AGPAT4: variants seen among roughly 807,000 people sequenced by gnomAD.
AGPAT4 encodes 1-acyl-sn-glycerol-3-phosphate acyltransferase delta.
In AGPAT4, 15 loss-of-function variants were observed where a neutral mutation model predicts 48.0. That is an observed-to-expected ratio of 0.31 (90% CI 0.21 to 0.48). The LOEUF (loss-of-function observed/expected upper bound fraction) is 0.48, where lower values mean the gene tolerates loss of function less well. Ranked by LOEUF, AGPAT4 falls within the 20% of genes least tolerant of loss-of-function variation. AGPAT4 has a pLI of 0.99. For synonymous variants in AGPAT4, 178 were observed against 198.7 expected (o/e 0.90, Z 0.88); for missense variants, 314 against 482.5 (o/e 0.65, Z 3.27).
chr6:161,269,328 AGG>A (rs1336685472), intron 1 of AGPAT4, among the ~76,000 whole-genome samples: 12 of 152,350 alleles, frequency 7.9e-5, no homozygotes, highest in African/African-American at 2.6e-4. Context: ...CCAGCATGGA[AGG>A]TACAAAAAAT....
intron 1 of AGPAT4, among the ~76,000 whole-genome samples, chr6:161,256,226 T>C (rs1418474908): frequency 6.6e-6 from 1 of 152,032 alleles, no homozygotes; most frequent in Non-Finnish European, 1.5e-5. Flanking sequence ...ATCCTGAGTA[T>C]AGGCAATGGG....
At position 161,136,308 on chromosome 6, in the gene AGPAT4, C is replaced by T. The variant is rs550856671; in HGVS notation, c.*232G>A. On this transcript the variant is annotated 3_prime_UTR_variant, in exon 9 of 9. Coordinates refer to ENST00000320285, the MANE Select transcript of AGPAT4 (RefSeq NM_020133.3). ...CTCACCACACAGCCATTCTCACACA[C>T]ACTCGCACAAAAAGAAAACCAAAGC... is the stretch of plus-strand genomic sequence containing the variant. 17 of 540,908 alleles carry T rather than the reference C, an allele frequency of 3.1e-5. No homozygotes were observed. Among genetic ancestry groups the T allele is most frequent in the South Asian group, 1.0e-4 (5 of 48,852 alleles). 33.5% of individuals were successfully genotyped at this position (540,908 alleles called of 1,614,324 possible).
In AGPAT4 at chr6:161,243,797, T is replaced by C. The variant is rs1166480336; in HGVS notation, c.-89-11495A>G. Among the ~76,000 whole-genome samples the C allele has an allele frequency of 6.6e-6, 1 of 152,200 alleles. No individual in the cohort carries two copies. The highest frequency in any genetic ancestry group is 1.5e-5 in the Non-Finnish European group (1 of 68,036). On this transcript the variant is annotated intron_variant, in intron 1 of 8. Coordinates refer to ENST00000320285, the MANE Select transcript of AGPAT4 (RefSeq NM_020133.3). The surrounding 1 kb of genome is among the most constrained non-coding windows in gnomAD (Gnocchi z 4.8). ...CACTGTGGCTCTCATTATCTGTTTGTTTATTTCAATAAGATTTTCCTCAGG... is the reference window on the plus strand; with the variant it reads ...CACTGTGGCTCTCATTATCTGTTTGCTTATTTCAATAAGATTTTCCTCAGG...
chr6:161,258,829 C>T (rs554825730), intron 1 of AGPAT4, among the ~76,000 whole-genome samples: 2 of 150,704 alleles, frequency 1.3e-5, no homozygotes, highest in South Asian at 4.2e-4. Context: ...ATGAGTCTCA[C>T]TCTATCGCCC....
At chr6:161,227,129 G>A (rs991787941) in intron 2 of AGPAT4, among the ~76,000 whole-genome samples, 6 of 152,170 alleles carry the variant, frequency 3.9e-5, no homozygotes, top group Non-Finnish European at 8.8e-5. Context: ...GTCTGCTAGT[G>A]TCTGGGATTA....
chr6:161,183,698 G>A (rs865982654), intron 2 of AGPAT4, among the ~76,000 whole-genome samples: 41 of 88,890 alleles, frequency 4.6e-4, no homozygotes, highest in African/African-American at 1.8e-3. Flanking sequence ...AGAGGAGAGG[G>A]GAGGAGAGGA....
In AGPAT4 at chr6:161,222,663, G is replaced by T. The variant is rs1391760585; in HGVS notation, c.178+9373C>A. ...GGTCAAGACAAAAATAAATCTTGAA[G>T]TAAACCGATGGTCACAATTATTGAA... On this transcript the variant is annotated intron_variant, in intron 2 of 8. Coordinates refer to ENST00000320285, the MANE Select transcript of AGPAT4 (RefSeq NM_020133.3). This position sits in a 1 kb window ranked among gnomAD's most constrained non-coding sequence, Gnocchi z 5.9. Among the ~76,000 whole-genome samples, 1 of 151,840 alleles carries T rather than the reference G, an allele frequency of 6.6e-6. No individual in the cohort carries two copies. The highest frequency in any genetic ancestry group is 1.5e-5 in the Non-Finnish European group (1 of 67,990).
chr6:161,248,355 A>C (rs1782718150), intron 1 of AGPAT4, among the ~76,000 whole-genome samples: 1 of 152,104 alleles, frequency 6.6e-6, no homozygotes, highest in African/African-American at 2.4e-5. Context: ...CGGGCGGATC[A>C]TGAGGTCAGG....
chr6:161,252,963 C>A (rs1333700334), intron 1 of AGPAT4, among the ~76,000 whole-genome samples: 1 of 152,020 alleles, frequency 6.6e-6, no homozygotes. Context: ...CGTCTGTAAT[C>A]CCAGCACTTT....
rs1031878032 is a variant in AGPAT4, at chr6:161,238,395, C to T, written c.-89-6093G>A. On this transcript the variant is annotated intron_variant, in intron 1 of 8. Coordinates refer to ENST00000320285, the MANE Select transcript of AGPAT4 (RefSeq NM_020133.3). The surrounding 1 kb of genome is among the most constrained non-coding windows in gnomAD (Gnocchi z 5.2). ...GAAGGCAAAGAAGGAGCAGCTAAGA[C>T]AGATGACTTCGTCTCTCCTGGGAAA... Among the ~76,000 whole-genome samples, 3 of 152,214 alleles carry T rather than the reference C, an allele frequency of 2.0e-5. No homozygotes were observed. The highest frequency in any genetic ancestry group is 7.2e-5 in the African/African-American group (3 of 41,460).
chr6:161,146,452 A>G lies in AGPAT4; in HGVS notation c.843+72T>C. 1 of 1,477,356 alleles carries G rather than the reference A, an allele frequency of 6.8e-7. No homozygotes were observed. The highest frequency in any genetic ancestry group is 2.3e-5 in the East Asian group (1 of 43,846). The allele number at this position is 1,477,356 out of a possible 1,614,324, so 91.5% of individuals were successfully genotyped here. A position where few individuals can be genotyped will look rare whatever the true frequency, so the allele number is the denominator to read the frequency against. On this transcript the variant is annotated intron_variant, in intron 7 of 8. Coordinates refer to ENST00000320285, the MANE Select transcript of AGPAT4 (RefSeq NM_020133.3). The surrounding 1 kb of genome is among the most constrained non-coding windows in gnomAD (Gnocchi z 7.1). Reference sequence around the variant, plus strand: ...CTCGCCCACCGGAGAAAGGCCTGCTACCACACAACACAGCCACACGGCGCA... The same window carrying G: ...CTCGCCCACCGGAGAAAGGCCTGCTGCCACACAACACAGCCACACGGCGCA...
Position 161,139,989 on chromosome 6 carries a change from G to C in AGPAT4, c.844-369C>G, listed in dbSNP as rs1342319615. Among the ~76,000 whole-genome samples the C allele has an allele frequency of 6.6e-6, 1 of 152,244 alleles. No individual in the cohort carries two copies. Among genetic ancestry groups the C allele is most frequent in the Non-Finnish European group, 1.5e-5 (1 of 68,040 alleles). ...CTAATGGGGCAGCAGTGCCTTCCAC[G>C]ATAGGTCGGCGGGAGAATGGAGTGG... On this transcript the variant is annotated intron_variant, in intron 7 of 8. Coordinates refer to ENST00000320285, the MANE Select transcript of AGPAT4 (RefSeq NM_020133.3). This position sits in a 1 kb window ranked among gnomAD's most constrained non-coding sequence, Gnocchi z 9.1.
At chr6:161,136,678 C>T in intron 8 of AGPAT4, 44 bp from the exon 9 acceptor site, 1 of 1,548,584 alleles carries the variant, frequency 6.5e-7, no homozygotes, top group South Asian at 1.1e-5. Flanking sequence ...CCCAAACAGA[C>T]TACAGGGCCG....
Position 161,154,112 on chromosome 6 carries a change from G to A in AGPAT4, c.510+37C>T. ...GGGTCCCACGGTCACAGTCCTGCAG[G>A]AGCCCTTGGGACACAGCTGCTCTGG... On this transcript the variant is annotated intron_variant, in intron 4 of 8. Coordinates refer to ENST00000320285, the MANE Select transcript of AGPAT4 (RefSeq NM_020133.3). The surrounding 1 kb of genome is among the most constrained non-coding windows in gnomAD (Gnocchi z 7.8). The A allele has an allele frequency of 1.2e-6, 2 of 1,613,546 alleles. No homozygotes were observed. Among genetic ancestry groups the A allele is most frequent in the Non-Finnish European group, 1.7e-6 (2 of 1,179,958 alleles).
chr6:161,153,534 C>T (rs763386780), intron 4 of AGPAT4, 35 bp from the exon 5 acceptor site: 28 of 1,607,698 alleles, frequency 1.7e-5, no homozygotes, highest in African/African-American at 9.4e-5. Flanking sequence ...CACGCAGCCT[C>T]GGGGTCACAC....
At chr6:161,260,677 A>AC (rs1783075030) in intron 1 of AGPAT4, among the ~76,000 whole-genome samples, 1 of 150,382 alleles carries the variant, frequency 6.6e-6, no homozygotes, top group African/African-American at 2.4e-5. Flanking sequence ...AAAAAAAAAA[A>AC]AAAAACAGGA....
chr6:161,185,197 G>T (rs546332044), intron 2 of AGPAT4, among the ~76,000 whole-genome samples: 1 of 147,450 alleles, frequency 6.8e-6, no homozygotes, highest in Non-Finnish European at 1.5e-5. Flanking sequence ...AGAGAAATCT[G>T]AATATAGGTG....
At chr6:161,194,534 CTA>C (rs1491376416) in intron 2 of AGPAT4, among the ~76,000 whole-genome samples, 8 of 148,956 alleles carry the variant, frequency 5.4e-5, no homozygotes, top group East Asian at 3.9e-4. Flanking sequence ...GTCTGTGTGT[CTA>C]TGTGTGTATG....
At chr6:161,156,016 T>A (rs1392306501) in intron 3 of AGPAT4, among the ~76,000 whole-genome samples, 2 of 152,112 alleles carry the variant, frequency 1.3e-5, no homozygotes, top group African/African-American at 4.8e-5. Context: ...TCTTGCAAGA[T>A]CCTAGTGGGT....
Sources: gnomAD v4.1 joint callset for allele counts (sites outside exome capture counted in the v4.1 genomes callset) on GRCh38, gnomAD v4.1.1 for gene constraint, Gnocchi (gnomAD v3.1) non-coding constraint, MANE v1.5 for transcripts, NCBI Gene and HGNC (gene_info 2026-07-23, HGNC 2026-07-21) for gene names.